Variants in IL1RAPL1 observed in about 807,000 individuals in gnomAD.
IL1RAPL1 encodes the protein interleukin-1 receptor accessory protein-like 1.
IL1RAPL1 carries 3 observed loss-of-function variants against 48.4 expected under a neutral mutation model. The ratio of observed to expected loss-of-function variants is 0.06; its 90% CI spans 0.03 to 0.16. The LOEUF (loss-of-function observed/expected upper bound fraction) is 0.16, where lower values mean the gene tolerates loss of function less well. IL1RAPL1 is among the 10% of genes least tolerant of loss of function. The pLI, the probability that IL1RAPL1 is intolerant of heterozygous loss-of-function variation, is 1.00. For synonymous variants in IL1RAPL1, 185 were observed against 187.7 expected (o/e 0.99, Z 0.12); for missense variants, 349 against 530.6 (o/e 0.66, Z 3.36).
chrX:28,867,283 C>T (rs1048095605), intron 2 of IL1RAPL1, among the ~76,000 whole-genome samples: 16 of 111,585 alleles, frequency 1.4e-4, no homozygotes, highest in Non-Finnish European at 7.5e-5. Flanking sequence ...GCATGCCTTT[C>T]GTTTTCATAT....
rs1473226997 is a variant in IL1RAPL1, at chrX:28,789,318, A to G, written c.-24-2A>G. The G allele has an allele frequency of 2.7e-6, 3 of 1,100,204 alleles. No homozygotes were observed. In the Admixed American group the frequency reaches 6.6e-5, roughly 24 times the overall value. 90.7% of individuals were successfully genotyped at this position (1,100,204 alleles called of 1,213,427 possible). On this transcript the variant is annotated splice_acceptor_variant, in intron 1 of 10. Coordinates refer to ENST00000378993, the MANE Select transcript of IL1RAPL1 (RefSeq NM_014271.4). LOFTEE classifies it low-confidence loss of function (5UTR_SPLICE). ...TTTTCTTCTTTTTAATCTTTGCTTTAGGGAACGGCCTTTAAGAGCTGGAAG... is the reference window on the plus strand; with the variant it reads ...TTTTCTTCTTTTTAATCTTTGCTTTGGGGAACGGCCTTTAAGAGCTGGAAG...
chrX:29,293,144 AT>A (rs1932395491), intron 3 of IL1RAPL1, among the ~76,000 whole-genome samples: 1 of 112,030 alleles, frequency 8.9e-6, no homozygotes, highest in African/African-American at 3.2e-5. Context: ...AAATTGCTAT[AT>A]TTCTGGGTTG....
rs773363021 is a variant in IL1RAPL1 at position 28,842,681 on chromosome X, G to A, written c.82+53256G>A. 2.7e-5 allele frequency among the ~76,000 whole-genome samples: 3 copies of A among 111,872 alleles called. No homozygotes were observed. The South Asian group carries it at 1.1e-3, about 41-fold the overall frequency. On this transcript the variant is annotated intron_variant, in intron 2 of 10. Transcript: ENST00000378993. ...AATGAAATTGTGGATTAAATTTGCTGTATTATAAAACTGATATCTTTTACT... is the reference window on the plus strand; with the variant it reads ...AATGAAATTGTGGATTAAATTTGCTATATTATAAAACTGATATCTTTTACT...
At chrX:28,836,132 G>C (rs1195362160) in intron 2 of IL1RAPL1, among the ~76,000 whole-genome samples, 1 of 109,807 alleles carries the variant, frequency 9.1e-6, no homozygotes, top group Non-Finnish European at 1.9e-5. Flanking sequence ...TAGGCATTTA[G>C]CTGTCTTGCA....
At chrX:28,939,611 T>C (rs935989412) in intron 2 of IL1RAPL1, among the ~76,000 whole-genome samples, 1 of 110,842 alleles carries the variant, frequency 9.0e-6, no homozygotes, top group Non-Finnish European at 1.9e-5. Context: ...TGAAATAATC[T>C]GTATAAAAAC....
At chrX:28,867,290 A>G (rs757936988) in intron 2 of IL1RAPL1, among the ~76,000 whole-genome samples, 1 of 111,668 alleles carries the variant, frequency 9.0e-6, no homozygotes, top group South Asian at 3.8e-4. Context: ...TTTCGTTTTC[A>G]TATCTGTCAT....
chrX:28,615,215 T>TTTTA (rs1934203455), intron 1 of IL1RAPL1, among the ~76,000 whole-genome samples: 1 of 82,837 alleles, frequency 1.2e-5, no homozygotes, highest in African/African-American at 4.5e-5. Context: ...TTTTTTTTTT[T>TTTTA]TTTTTTTTTT....
intron 6 of IL1RAPL1, among the ~76,000 whole-genome samples, chrX:29,802,927 A>G (rs1261952606): frequency 3.7e-4 from 20 of 54,704 alleles, no homozygotes; most frequent in African/African-American, 1.5e-3. Context: ...ACATATATAC[A>G]TATATGTGTA....
At position 29,561,200 on chromosome X, in the gene IL1RAPL1, T is replaced by C. The variant is rs377540428; in HGVS notation, c.704-107230T>C. 1.6e-4 allele frequency among the ~76,000 whole-genome samples: 18 copies of C among 112,540 alleles called. No individual in the cohort carries two copies. In the East Asian group the frequency reaches 5.0e-3, roughly 31 times the overall value. ...TTTTGTTTTTCCTAGGGCATTGCCCTGAAGTACTCAAAGTTAATTGCCTTC... is the reference window on the plus strand; with the variant it reads ...TTTTGTTTTTCCTAGGGCATTGCCCCGAAGTACTCAAAGTTAATTGCCTTC... On this transcript the variant is annotated intron_variant, in intron 5 of 10. Transcript: ENST00000378993.
At chrX:29,600,836 A>G (rs1923698310) in intron 5 of IL1RAPL1, among the ~76,000 whole-genome samples, 1 of 110,983 alleles carries the variant, frequency 9.0e-6, no homozygotes, top group Admixed American at 9.6e-5. Context: ...ACAGGTTGCC[A>G]GAGAAGTCAG....
At chrX:28,764,653 C>T in intron 1 of IL1RAPL1, among the ~76,000 whole-genome samples, 1 of 111,751 alleles carries the variant, frequency 8.9e-6, no homozygotes, top group Non-Finnish European at 1.9e-5. Context: ...ATTCAAGTTA[C>T]TCTGAATTTA....
At chrX:29,920,182 G>T in intron 8 of IL1RAPL1, 88 bp downstream of exon 8, 8 of 1,086,980 alleles carry the variant, frequency 7.4e-6, no homozygotes, top group Non-Finnish European at 1.0e-5. Flanking sequence ...ATTTAGTTTT[G>T]TTTTTCTCCA....
At chrX:28,762,821 CACAGAGAGAGAGAGAGAGAG>C (rs1188766105) in intron 1 of IL1RAPL1, among the ~76,000 whole-genome samples, 3 of 37,338 alleles carry the variant, frequency 8.0e-5, no homozygotes, top group Admixed American at 3.9e-4. Flanking sequence ...CACACACACA[CACAGAGAGAGAGAGAGAGAG>C]AGAGAGAGAG....
At chrX:29,656,774 T>C (rs902239809) in intron 5 of IL1RAPL1, among the ~76,000 whole-genome samples, 7 of 111,449 alleles carry the variant, frequency 6.3e-5, no homozygotes, top group African/African-American at 2.0e-4. Context: ...ATTTCTGAAG[T>C]TCCGGAATGG....
intron 5 of IL1RAPL1, among the ~76,000 whole-genome samples, chrX:29,477,982 C>A (rs945677775): frequency 1.8e-5 from 2 of 111,968 alleles, no homozygotes; most frequent in Non-Finnish European, 3.8e-5. Flanking sequence ...TTAAAAATAA[C>A]CAAACAACCT....
At chrX:28,864,721 A>C (rs1328164001) in intron 2 of IL1RAPL1, among the ~76,000 whole-genome samples, 1 of 111,601 alleles carries the variant, frequency 9.0e-6, no homozygotes, top group Admixed American at 9.5e-5. Flanking sequence ...AGTGTTGGGC[A>C]TGAAGGAAAG....
chrX:29,052,211 T>G (rs1253732986), intron 2 of IL1RAPL1, among the ~76,000 whole-genome samples: 1 of 111,848 alleles, frequency 8.9e-6, no homozygotes, highest in African/African-American at 3.3e-5. Context: ...TAAACCTGCT[T>G]TTCTTGCAGT....
chrX:28,919,300 C>T (rs1412023190), intron 2 of IL1RAPL1, among the ~76,000 whole-genome samples: 1 of 111,888 alleles, frequency 8.9e-6, no homozygotes, highest in East Asian at 2.8e-4. Context: ...GCTCTTTGCA[C>T]GAGCATGGGA....
intron 3 of IL1RAPL1, among the ~76,000 whole-genome samples, chrX:29,361,603 G>A (rs933930395): frequency 9.1e-6 from 1 of 109,646 alleles, no homozygotes; most frequent in African/African-American, 3.3e-5. Context: ...TTTCATTTCT[G>A]CTAATATTGT....
Sources: gnomAD v4.1 joint callset for allele counts (sites outside exome capture counted in the v4.1 genomes callset) on GRCh38, gnomAD v4.1.1 for gene constraint, MANE v1.5 for transcripts, NCBI Gene and HGNC (gene_info 2026-07-23, HGNC 2026-07-21) for gene names.